SHLD1: variants seen among roughly 807,000 people sequenced by gnomAD.
SHLD1 encodes RINN1-REV7-interacting novel NHEJ regulator 3.
Under a neutral mutation model 5.5 loss-of-function variants are expected in SHLD1, and 3 were observed. The observed-to-expected ratio is 0.54, with a 90% CI of 0.25 to 1.40. SHLD1 has a LOEUF of 1.40. SHLD1 is among the 40% of genes most tolerant of loss of function. The probability of loss-of-function intolerance (pLI) is 0.15; values close to 1 mark genes in which losing one functional copy is unlikely to be tolerated. For missense variants in SHLD1, 210 were observed against 244.4 expected (o/e 0.86, Z 0.94); for synonymous variants, 92 against 94.3 (o/e 0.98, Z 0.14).
intron 2 of SHLD1, among the ~76,000 whole-genome samples, chr20:5,780,979 T>G (rs2086982747): frequency 1.3e-5 from 2 of 152,202 alleles, no homozygotes; most frequent in African/African-American, 4.8e-5. Context: ...AGAAAACTAC[T>G]GGGCTGATAA....
chr20:5,753,582 A>G (rs1383342015), intron 1 of SHLD1, among the ~76,000 whole-genome samples: 1 of 152,260 alleles, frequency 6.6e-6, no homozygotes, highest in African/African-American at 2.4e-5. Flanking sequence ...AAATGCCGGC[A>G]GCTGTGCCAC....
chr20:5,805,493 G>A (rs867269816), intron 2 of SHLD1, among the ~76,000 whole-genome samples: 2 of 152,114 alleles, frequency 1.3e-5, no homozygotes, highest in Non-Finnish European at 2.9e-5. Flanking sequence ...CATTCTATAA[G>A]TGGTACACTT....
At chr20:5,857,051 G>A (rs1283370173) in intron 2 of SHLD1, among the ~76,000 whole-genome samples, 5 of 152,008 alleles carry the variant, frequency 3.3e-5, no homozygotes, top group Non-Finnish European at 7.4e-5. Flanking sequence ...GTGCAATCTC[G>A]GCTCACTGCA....
At chr20:5,792,033 C>T (rs1380364322) in intron 2 of SHLD1, among the ~76,000 whole-genome samples, 2 of 152,098 alleles carry the variant, frequency 1.3e-5, no homozygotes, top group Admixed American at 6.6e-5. Context: ...AAATCCTTTG[C>T]CTATTTTTAA....
chr20:5,835,017 A>G (rs1161815430), intron 2 of SHLD1, among the ~76,000 whole-genome samples: 1 of 152,174 alleles, frequency 6.6e-6, no homozygotes, highest in Admixed American at 6.5e-5. Context: ...CAACATATGA[A>G]TAGGGGAACA....
intron 2 of SHLD1, among the ~76,000 whole-genome samples, chr20:5,788,783 T>C (rs1233409214): frequency 6.6e-6 from 1 of 152,214 alleles, no homozygotes; most frequent in Non-Finnish European, 1.5e-5. Flanking sequence ...GAAATCTTTT[T>C]TCATTTATCC....
chr20:5,804,445 T>C (rs2122350335), intron 2 of SHLD1, among the ~76,000 whole-genome samples: 1 of 152,172 alleles, frequency 6.6e-6, no homozygotes, highest in South Asian at 2.1e-4. Context: ...ATCTAGCTCC[T>C]GTGTGTTTTT....
chr20:5,788,252 A>G (rs865834589), intron 2 of SHLD1, among the ~76,000 whole-genome samples: 4 of 152,128 alleles, frequency 2.6e-5, no homozygotes, highest in African/African-American at 9.7e-5. Flanking sequence ...GTAAAAAACA[A>G]AAAAACAGAG....
intron 2 of SHLD1, among the ~76,000 whole-genome samples, chr20:5,794,412 GA>G (rs2087183205): frequency 6.6e-6 from 1 of 152,014 alleles, no homozygotes; most frequent in Admixed American, 6.6e-5. Context: ...TGCTCAGTAC[GA>G]GGCAAAAAAG....
rs951006947 is a variant in SHLD1, at chr20:5,855,208, C to A, written c.179-7816C>A. Among the ~76,000 whole-genome samples the A allele has an allele frequency of 6.6e-6, 1 of 151,952 alleles. No homozygotes were observed. The highest frequency in any genetic ancestry group is 1.5e-5 in the Non-Finnish European group (1 of 67,992). On this transcript the variant is annotated intron_variant, in intron 2 of 2. Transcript: ENST00000303142. This position sits in a 1 kb window ranked among gnomAD's most constrained non-coding sequence, Gnocchi z 4.4. ...TCTATAAATCTGACCACTTTAGGTA[C>A]CTCATCTAAGTGGAATCATACAGTA...
At chr20:5,750,601 C>T (rs921111505) in intron 1 of SHLD1, 122 bp downstream of exon 1, 1 of 152,028 alleles carries the variant, frequency 6.6e-6, no homozygotes, top group Non-Finnish European at 1.5e-5. Flanking sequence ...TCAGGATTTC[C>T]TGCTAGCTCC....
chr20:5,773,278 A>C (rs950745151), intron 2 of SHLD1: 1 of 653,396 alleles, frequency 1.5e-6, no homozygotes, highest in African/African-American at 1.8e-5. Context: ...TGTTGCTGTT[A>C]ATCTCAGGTC....
chr20:5,817,416 CTCTCTCTCTCTCTCTCTG>C (rs1371795242), intron 2 of SHLD1, among the ~76,000 whole-genome samples: 68 of 137,768 alleles, frequency 4.9e-4, no homozygotes, highest in African/African-American at 1.9e-3. Flanking sequence ...CTCTCTCTCT[CTCTCTCTCTCTCTCTCTG>C]TGTGTGTGTG....
intron 2 of SHLD1, among the ~76,000 whole-genome samples, chr20:5,816,445 T>C (rs1417335927): frequency 6.6e-6 from 1 of 152,148 alleles, no homozygotes; most frequent in Non-Finnish European, 1.5e-5. Context: ...ATGAATAAAT[T>C]TGGGTGCATG....
intron 1 of SHLD1, chr20:5,765,108 T>C (rs1984752028): frequency 6.6e-6 from 1 of 150,400 alleles, no homozygotes; most frequent in South Asian, 2.1e-4. Flanking sequence ...GGTCTTGCTA[T>C]GTTGCCCAGG....
chr20:5,777,335 A>C (rs566439385), intron 2 of SHLD1, among the ~76,000 whole-genome samples: 43 of 152,214 alleles, frequency 2.8e-4, no homozygotes, highest in African/African-American at 1.0e-3. Context: ...AGAAGTGGAA[A>C]TCATTCCCAT....
chr20:5,808,484 T>C (rs1454392934), intron 2 of SHLD1, among the ~76,000 whole-genome samples: 1 of 152,236 alleles, frequency 6.6e-6, no homozygotes. Flanking sequence ...CAAAATATTA[T>C]CTTGCATCTT....
intron 2 of SHLD1, among the ~76,000 whole-genome samples, chr20:5,833,089 A>G (rs1438851817): frequency 6.6e-6 from 1 of 152,046 alleles, no homozygotes; most frequent in African/African-American, 2.4e-5. Context: ...TGGTGCATAC[A>G]CCATACAGTG....
chr20:5,777,951 T>G (rs1985505677), intron 2 of SHLD1, among the ~76,000 whole-genome samples: 1 of 152,234 alleles, frequency 6.6e-6, no homozygotes, highest in Middle Eastern at 3.4e-3. Context: ...AAAACAATTT[T>G]TATTTTGCTG....
Sources: gnomAD v4.1 joint callset for allele counts (sites outside exome capture counted in the v4.1 genomes callset) on GRCh38, gnomAD v4.1.1 for gene constraint, Gnocchi (gnomAD v3.1) non-coding constraint, MANE v1.5 for transcripts, NCBI Gene and HGNC (gene_info 2026-07-23, HGNC 2026-07-21) for gene names.